Variants in DPH6 observed in about 807,000 individuals in gnomAD.
The protein encoded by DPH6 is diphthamine biosynthesis 6.
DPH6 carries 33 observed loss-of-function variants against 38.2 expected under a neutral mutation model. That is an observed-to-expected ratio of 0.86 (90% CI 0.65 to 1.15). The LOEUF (loss-of-function observed/expected upper bound fraction) is 1.15. DPH6 is among the 50% of genes most tolerant of loss of function. The pLI is 0.00. For missense variants in DPH6, 325 were observed against 320.0 expected (o/e 1.02, Z -0.12); for synonymous variants, 108 against 103.0 (o/e 1.05, Z -0.30).
At chr15:35,402,119 G>A (rs1158088986) in intron 6 of DPH6, among the ~76,000 whole-genome samples, 5 of 152,176 alleles carry the variant, frequency 3.3e-5, no homozygotes, top group Non-Finnish European at 4.4e-5. Flanking sequence ...AAAACGTGTT[G>A]TGTAGTTAGT....
chr15:35,372,968 C>T (rs1028010962), intron 8 of DPH6, among the ~76,000 whole-genome samples: 1 of 151,968 alleles, frequency 6.6e-6, no homozygotes, highest in Non-Finnish European at 1.5e-5. Flanking sequence ...ATCAAGGAAT[C>T]TAATCCAGAA....
intron 3 of DPH6, chr15:35,522,263 T>C (rs2054933130): frequency 6.2e-7 from 1 of 1,612,926 alleles, no homozygotes; most frequent in South Asian, 1.1e-5. Context: ...GCAAGCAAGG[T>C]CATTCTAGTG....
At chr15:35,538,757 A>G (rs930933937) in intron 2 of DPH6, among the ~76,000 whole-genome samples, 2 of 152,168 alleles carry the variant, frequency 1.3e-5, no homozygotes, top group African/African-American at 4.8e-5. Context: ...AGAGAAGAGT[A>G]ATGTATCCAA....
chr15:35,223,445 G>T (rs1024505051), intron 3 of DPH6, among the ~76,000 whole-genome samples: 11 of 152,268 alleles, frequency 7.2e-5, no homozygotes, highest in African/African-American at 2.6e-4. Context: ...CCTGCACTTT[G>T]GGAGGCCAAG....
intron 3 of DPH6, among the ~76,000 whole-genome samples, chr15:35,284,109 T>G (rs2051921502): frequency 6.6e-6 from 1 of 152,206 alleles, no homozygotes; most frequent in South Asian, 2.1e-4. Context: ...AAGTGTGATC[T>G]GATCATCTTC....
chr15:35,509,332 GA>G (rs1048787740), intron 3 of DPH6, among the ~76,000 whole-genome samples: 23 of 152,254 alleles, frequency 1.5e-4, no homozygotes, highest in African/African-American at 4.3e-4. Flanking sequence ...TATGGTTAGA[GA>G]AAAAAGAAAG....
intron 1 of DPH6, among the ~76,000 whole-genome samples, 176 bp downstream of exon 1, chr15:35,545,943 G>A (rs2055344708): frequency 6.6e-6 from 1 of 152,130 alleles, no homozygotes; most frequent in African/African-American, 2.4e-5. Context: ...GCCAGGGGCC[G>A]AGGCACATGC....
chr15:35,299,561 C>A lies in DPH6; in HGVS notation n.200+73960G>T. ...ACCACCCTCCGCTGAGTCCGCGGGG[C>A]GCTGGGCGGCGCGGGGTCAGGTAGC... On this transcript the variant is annotated intron_variant and non_coding_transcript_variant, in intron 3 of 3. Transcript: ENST00000560386. The A allele has an allele frequency of 6.5e-6, 3 of 460,918 alleles. No individual in the cohort carries two copies. In the South Asian group the frequency reaches 7.5e-5, roughly 12 times the overall value. 28.6% of individuals were successfully genotyped at this position (460,918 alleles called of 1,614,324 possible).
At chr15:35,481,772 G>A (rs2054330207) in intron 3 of DPH6, among the ~76,000 whole-genome samples, 1 of 152,118 alleles carries the variant, frequency 6.6e-6, no homozygotes, top group Non-Finnish European at 1.5e-5. Flanking sequence ...TGGCTAATAA[G>A]TACCTGGGGG....
At chr15:35,398,144 T>C (rs994336306) in intron 6 of DPH6, among the ~76,000 whole-genome samples, 1 of 152,172 alleles carries the variant, frequency 6.6e-6, no homozygotes, top group Non-Finnish European at 1.5e-5. Flanking sequence ...CTCTTGTAGA[T>C]AGGAGTGCCA....
exon 4 of DPH6, chr15:35,218,588 T>C (rs1283963296): frequency 6.6e-6 from 1 of 152,220 alleles, no homozygotes; most frequent in Non-Finnish European, 1.5e-5. Flanking sequence ...ACAGAAATTA[T>C]CTTTTTCTAA....
At chr15:35,422,671 T>C (rs981191659) in intron 5 of DPH6, among the ~76,000 whole-genome samples, 7 of 151,966 alleles carry the variant, frequency 4.6e-5, no homozygotes, top group Admixed American at 2.0e-4. Context: ...CTCCAGAACT[T>C]GTTTATCTTG....
At chr15:35,164,453 G>T in the DPH6 span, among the ~76,000 whole-genome samples, 1 of 151,090 alleles carries the variant, frequency 6.6e-6, no homozygotes, top group Non-Finnish European at 1.5e-5. Flanking sequence ...TATGAAACTT[G>T]GCAAAATCGC....
At chr15:35,496,567 A>AAAAAAAATATATAT in intron 3 of DPH6, among the ~76,000 whole-genome samples, 24 of 31,004 alleles carry the variant, frequency 7.7e-4, no homozygotes, top group African/African-American at 3.0e-3. Flanking sequence ...AAAAAAAAAA[A>AAAAAAAATATATAT]ATATATATAT....
chr15:35,445,790 TATTA>T (rs1343050927), intron 5 of DPH6, among the ~76,000 whole-genome samples: 29 of 152,362 alleles, frequency 1.9e-4, no homozygotes, highest in Admixed American at 1.9e-3. Flanking sequence ...GTTACTACTG[TATTA>T]ATTTTGTAGC....
At chr15:35,517,038 C>T (rs1031237297) in intron 3 of DPH6, among the ~76,000 whole-genome samples, 2 of 151,928 alleles carry the variant, frequency 1.3e-5, no homozygotes, top group Admixed American at 1.3e-4. Context: ...TCAATATCAA[C>T]TCATAATAAA....
chr15:35,503,532 C>T (rs1454603529), intron 3 of DPH6, among the ~76,000 whole-genome samples: 2 of 152,092 alleles, frequency 1.3e-5, no homozygotes, highest in East Asian at 1.9e-4. Context: ...GATTAACAGT[C>T]CTTTATCATT....
At chr15:35,445,501 G>A (rs1443791900) in intron 5 of DPH6, among the ~76,000 whole-genome samples, 1 of 149,922 alleles carries the variant, frequency 6.7e-6, no homozygotes, top group South Asian at 2.1e-4. Context: ...TTTTCAATAC[G>A]TATATTTGGA....
chr15:35,167,364 A>G, the DPH6 span, among the ~76,000 whole-genome samples: 1 of 152,070 alleles, frequency 6.6e-6, no homozygotes, highest in Admixed American at 6.6e-5. Flanking sequence ...TTTCCACTTT[A>G]TAGAAAAGGA....
Sources: gnomAD v4.1 joint callset for allele counts (sites outside exome capture counted in the v4.1 genomes callset) on GRCh38, gnomAD v4.1.1 for gene constraint, MANE v1.5 for transcripts, NCBI Gene and HGNC (gene_info 2026-07-23, HGNC 2026-07-21) for gene names.